CXCL3: variants seen among roughly 807,000 people sequenced by gnomAD.
CXCL3 encodes the protein C-X-C motif chemokine ligand 3, also known as C-X-C motif chemokine 3.
A neutral mutation model predicts 11.5 loss-of-function variants in CXCL3; 10 were observed. The observed-to-expected ratio is 0.87, with a 90% CI of 0.54 to 1.48. The LOEUF (loss-of-function observed/expected upper bound fraction) is 1.48. Among genes scored for constraint, CXCL3 ranks in the 40% most tolerant of loss-of-function variants. CXCL3 has a pLI of 0.00. For missense variants in CXCL3, 149 were observed against 139.1 expected (o/e 1.07, Z -0.36); for synonymous variants, 61 against 60.9 (o/e 1.00, Z -0.01).
In CXCL3 at chr4:74,038,319, G is replaced by C. The variant is rs199744046; in HGVS notation, c.195C>G (p.Pro65=). 1 of 1,613,942 alleles carries C rather than the reference G, an allele frequency of 6.2e-7. No homozygotes were observed. The highest frequency in any genetic ancestry group is 8.5e-7 in the Non-Finnish European group (1 of 1,179,970). ...CTTCGGTTTGGGCGCAGTGGGGTCC[G>C]GGGGACCTTACATTCACACTTTGGA... The part of the protein sequence containing the change: ...KNIQSVNVRS[P]GPHCAQTEVI... The change falls in exon 2 of 4, where the codon CCC becomes CCG. Residue 65 remains proline, a synonymous_variant. Coordinates refer to ENST00000296026, the MANE Select transcript of CXCL3 (RefSeq NM_002090.3).
At chr4:74,037,445 A>C in intron 3 of CXCL3, 168 bp from the exon 4 acceptor site, 2 of 364,102 alleles carry the variant, frequency 5.5e-6, no homozygotes, top group Non-Finnish European at 8.9e-6. Flanking sequence ...GCACTCCTGA[A>C]TGCTTTTTTT....
Position 74,037,292 on chromosome 4 carries a change from G to T in CXCL3, c.309-15C>A, listed in dbSNP as rs768833742. 20 of 1,614,012 alleles carry T rather than the reference G, an allele frequency of 1.2e-5. No homozygotes were observed. Among genetic ancestry groups the T allele is most frequent in the Non-Finnish European group, 1.7e-5 (20 of 1,179,934 alleles). ...TGGTGCTCCCCCTGTGATGAGAAAA[G>T]GGTTACTGTTGCAGGTGCTAAGGAA... On this transcript the variant is annotated splice_polypyrimidine_tract_variant and intron_variant, in intron 3 of 3. Coordinates refer to ENST00000296026, the MANE Select transcript of CXCL3 (RefSeq NM_002090.3).
At chr4:74,037,758 C>T (rs1171518247) in intron 3 of CXCL3, 1 of 317,866 alleles carries the variant, frequency 3.1e-6, no homozygotes, top group African/African-American at 2.2e-5. Context: ...TTGCATTTTT[C>T]AGGTCTGAAG....
At chr4:74,037,447 G>GAT in intron 3 of CXCL3, 170 bp from the exon 4 acceptor site, 1 of 252,402 alleles carries the variant, frequency 4.0e-6, no homozygotes, top group East Asian at 6.1e-5. Flanking sequence ...ACTCCTGAAT[G>GAT]CTTTTTTTTT....
rs768833742 is a variant in CXCL3 at position 74,037,292 on chromosome 4, G to C, written c.309-15C>G. 1 of 1,614,012 alleles carries C rather than the reference G, an allele frequency of 6.2e-7. No homozygotes were observed. Among genetic ancestry groups the C allele is most frequent in the Admixed American group, 1.7e-5 (1 of 60,022 alleles). On this transcript the variant is annotated splice_polypyrimidine_tract_variant and intron_variant, in intron 3 of 3. Coordinates refer to ENST00000296026, the MANE Select transcript of CXCL3 (RefSeq NM_002090.3). Reference sequence around the variant, plus strand: ...TGGTGCTCCCCCTGTGATGAGAAAAGGGTTACTGTTGCAGGTGCTAAGGAA... The same window carrying C: ...TGGTGCTCCCCCTGTGATGAGAAAACGGTTACTGTTGCAGGTGCTAAGGAA...
rs1478004422 is a variant in CXCL3, at chr4:74,038,174, G to T, written c.227C>A (p.Ala76Asp). 3 of 1,614,072 alleles carry T rather than the reference G, an allele frequency of 1.9e-6. No homozygotes were observed. Among genetic ancestry groups the T allele is most frequent in the Non-Finnish European group, 2.5e-6 (3 of 1,179,992 alleles). Reference protein sequence around the residue: ...GPHCAQTEVIATLKNGKKACL... With the variant: ...GPHCAQTEVIDTLKNGKKACL... The stretch of plus-strand genomic sequence containing the variant: ...AGCTTTCTTCCCATTCTTGAGTGTG[G>T]CTCTGCAGAGAGAAGGGAATTCCGT... The change falls in exon 3 of 4, where the codon GCC becomes GAC. Residue 76 changes from alanine to aspartate, a missense_variant and splice_region_variant. Transcript: ENST00000296026.
Position 74,036,875 on chromosome 4 carries a change from T to A in CXCL3, c.*387A>T, listed in dbSNP as rs201735236. ...CTTACCCTAACAGTGATCCACTAAT[T>A]GCTTGCATTTCAATCCCCCCACCCT... On this transcript the variant is annotated 3_prime_UTR_variant, in exon 4 of 4. Coordinates refer to ENST00000296026, the MANE Select transcript of CXCL3 (RefSeq NM_002090.3). The A allele has an allele frequency of 6.0e-5, 11 of 183,722 alleles. No individual in the cohort carries two copies. The allele number at this position is 183,722 out of a possible 1,614,324, so 11.4% of individuals were successfully genotyped here.
chr4:74,038,204 C>A, intron 2 of CXCL3, 28 bp from the exon 3 acceptor site: 1 of 1,613,926 alleles, frequency 6.2e-7, no homozygotes, highest in Non-Finnish European at 8.5e-7. Context: ...TTCCGTGAGA[C>A]AGGAGGTCGG....
rs199509809 is a variant in CXCL3 at position 74,037,208 on chromosome 4, C to T, written c.*54G>A. Reference sequence around the variant, plus strand: ...TTTTCAGCTCTGGTAAGGGCAGGGACCACCCTGCAGGAAGTGTCAATGATA... The same window carrying T: ...TTTTCAGCTCTGGTAAGGGCAGGGATCACCCTGCAGGAAGTGTCAATGATA... On this transcript the variant is annotated 3_prime_UTR_variant, in exon 4 of 4. Coordinates refer to ENST00000296026, the MANE Select transcript of CXCL3 (RefSeq NM_002090.3). The T allele has an allele frequency of 2.3e-5, 37 of 1,603,614 alleles. No individual in the cohort carries two copies. In the Middle Eastern group the frequency reaches 5.0e-4, roughly 22 times the overall value.
At chr4:74,037,419 C>A in intron 3 of CXCL3, 142 bp from the exon 4 acceptor site, 74 of 610,888 alleles carry the variant, frequency 1.2e-4, no homozygotes, top group Middle Eastern at 4.6e-4. Context: ...CCACTGCCTT[C>A]TATAGCAGAA....
intron 3 of CXCL3, chr4:74,037,598 A>T (rs1720024621): frequency 2.8e-6 from 1 of 355,392 alleles, no homozygotes; most frequent in African/African-American, 2.1e-5. Context: ...CCTATGAAAT[A>T]ACTACCATTA....
chr4:74,037,438 C>G (rs1164546037), intron 3 of CXCL3, 161 bp from the exon 4 acceptor site: 1 of 505,078 alleles, frequency 2.0e-6, no homozygotes, highest in Non-Finnish European at 3.3e-6. Flanking sequence ...AAAACTTGCA[C>G]TCCTGAATGC....
Position 74,038,283 on chromosome 4 carries a change from G to A in CXCL3, c.224+7C>T. On this transcript the variant is annotated splice_region_variant and intron_variant, in intron 2 of 3. Coordinates refer to ENST00000296026, the MANE Select transcript of CXCL3 (RefSeq NM_002090.3). ...CGGTGGCAGCGGAAGCGCGGGGCGGGACTTACATGACTTCGGTTTGGGCGC... is the reference window on the plus strand; with the variant it reads ...CGGTGGCAGCGGAAGCGCGGGGCGGAACTTACATGACTTCGGTTTGGGCGC... The A allele has an allele frequency of 1.2e-6, 2 of 1,614,028 alleles. No individual in the cohort carries two copies. Among genetic ancestry groups the A allele is most frequent in the Non-Finnish European group, 1.7e-6 (2 of 1,179,964 alleles).
At chr4:74,038,206 G>C in intron 2 of CXCL3, 30 bp from the exon 3 acceptor site, 1 of 1,614,036 alleles carries the variant, frequency 6.2e-7, no homozygotes, top group South Asian at 1.1e-5. Context: ...CCGTGAGACA[G>C]GAGGTCGGGC....
chr4:74,038,268 G>A (rs1720040978), intron 2 of CXCL3, 22 bp downstream of exon 2: 4 of 1,613,728 alleles, frequency 2.5e-6, no homozygotes, highest in Non-Finnish European at 3.4e-6. Flanking sequence ...CGGTGGCAGC[G>A]GAAGCGCGGG....
intron 3 of CXCL3, 38 bp from the exon 4 acceptor site, chr4:74,037,315 GA>G (rs752444492): frequency 1.2e-6 from 2 of 1,613,624 alleles, no homozygotes; most frequent in African/African-American, 2.7e-5. Flanking sequence ...AGGTGCTAAG[GA>G]AGGCTGCTCT....
intron 2 of CXCL3, 46 bp downstream of exon 2, chr4:74,038,244 G>A (rs1379294522): frequency 2.5e-6 from 4 of 1,613,814 alleles, no homozygotes; most frequent in East Asian, 2.2e-5. Flanking sequence ...CAGCGGGAGA[G>A]TCGGGGACCC....
rs1414434007 is a variant in CXCL3, at chr4:74,038,413, C to G, written c.101G>C (p.Gly34Ala). The change falls in exon 2 of 4, where the codon GGA becomes GCA. Residue 34 changes from glycine (G) to alanine (A), a missense_variant and splice_region_variant. Coordinates refer to ENST00000296026, the MANE Select transcript of CXCL3 (RefSeq NM_002090.3). ...LLVAASRRAA[G>A]ASVVTELRCQ... ...GCGCAGTTCAGTGACCACGGACGCT[C>G]CTAGGGAAGAATAGACTCGCTGATT... is the stretch of plus-strand genomic sequence containing the variant. 5.0e-5 allele frequency: 81 copies of G among 1,613,084 alleles called. No homozygotes were observed. Among genetic ancestry groups the G allele is most frequent in the Non-Finnish European group, 6.8e-5 (80 of 1,179,646 alleles).
At position 74,036,769 on chromosome 4, in the gene CXCL3, T is replaced by A. The variant is rs1720000339; in HGVS notation, c.*493A>T. On this transcript the variant is annotated 3_prime_UTR_variant, in exon 4 of 4. Coordinates refer to ENST00000296026, the MANE Select transcript of CXCL3 (RefSeq NM_002090.3). ...CAGCATAAAAATGTTGAACACATAA[T>A]GTGAGATAATTTGAATAAATAACAA... 6.5e-6 allele frequency: 1 copy of A among 153,002 alleles called. No individual in the cohort carries two copies. The highest frequency in any genetic ancestry group is 1.5e-5 in the Non-Finnish European group (1 of 68,688). The allele number at this position is 153,002 out of a possible 1,614,324, so 9.5% of individuals were successfully genotyped here.
Sources: gnomAD v4.1 joint callset for allele counts on GRCh38, gnomAD v4.1.1 for gene constraint, MANE v1.5 for transcripts, NCBI Gene and HGNC (gene_info 2026-07-23, HGNC 2026-07-21) for gene names.